The following TMEM140 variants were observed in gnomAD, a reference collection of about 807,000 sequenced individuals.
TMEM140 encodes the protein transmembrane protein 140.
For missense variants in TMEM140, 236 were observed against 228.5 expected (o/e 1.03, Z -0.21); for synonymous variants, 107 against 106.8 (o/e 1.00, Z -0.01).
At position 135,164,506 on chromosome 7, in the gene TMEM140, T is replaced by C. The variant is rs1562927766; in HGVS notation, c.65T>C (p.Ile22Thr). Residue 22 changes from isoleucine to threonine, a missense_variant, in exon 2 of 2, where the codon ATT (isoleucine) becomes ACT (threonine). Ile to Thr is a moderately conservative substitution (Grantham distance 89). Transcript: ENST00000275767. Reference sequence around the variant, plus strand: ...TTCATGAGCATCATAGTCCTCGTGATTGTGGTCATCTGCCTGATGTTTTAC... The same window carrying C: ...TTCATGAGCATCATAGTCCTCGTGACTGTGGTCATCTGCCTGATGTTTTAC... ...LLFMSIIVLV[I>T]VVICLMFYAL... 2 of 1,613,292 alleles carry C rather than the reference T, an allele frequency of 1.2e-6. No individual in the cohort carries two copies. Among genetic ancestry groups the C allele is most frequent in the South Asian group, 1.1e-5 (1 of 91,068 alleles).
In TMEM140 at chr7:135,151,315, C is replaced by A. The variant is rs1252018130; in HGVS notation, c.-25+3045C>A. On this transcript the variant is annotated intron_variant, in intron 1 of 1. Coordinates refer to ENST00000275767, the MANE Select transcript of TMEM140 (RefSeq NM_018295.5). This position sits in a 1 kb window ranked among gnomAD's most constrained non-coding sequence, Gnocchi z 4.3. ...ATTAGAACCTGGACTCATGTTTCTA[C>A]CAAAGGAAATATGACACATTTCCCT... Among the ~76,000 whole-genome samples the A allele has an allele frequency of 2.0e-5, 3 of 152,188 alleles. No homozygotes were observed. Among genetic ancestry groups the A allele is most frequent in the African/African-American group, 7.2e-5 (3 of 41,446 alleles).
At chr7:135,149,315 C>G (rs1463406558) in intron 1 of TMEM140, among the ~76,000 whole-genome samples, 1 of 152,060 alleles carries the variant, frequency 6.6e-6, no homozygotes, top group Non-Finnish European at 1.5e-5. Context: ...CTTCTTTAGT[C>G]TCTTTCTCCT....
intron 1 of TMEM140, among the ~76,000 whole-genome samples, chr7:135,159,277 T>G (rs1293420676): frequency 6.6e-6 from 1 of 152,244 alleles, no homozygotes; most frequent in African/African-American, 2.4e-5. Context: ...TGTGTTTAGA[T>G]AGCCATCTTG....
At chr7:135,156,300 A>G (rs1324344305) in intron 1 of TMEM140, among the ~76,000 whole-genome samples, 2 of 152,288 alleles carry the variant, frequency 1.3e-5, no homozygotes, top group East Asian at 3.9e-4. Context: ...TATGTTTTCT[A>G]AACTTTCTAA....
chr7:135,154,540 T>C, intron 1 of TMEM140, among the ~76,000 whole-genome samples: 1 of 152,194 alleles, frequency 6.6e-6, no homozygotes, highest in East Asian at 1.9e-4. Flanking sequence ...CCTGCAGGAT[T>C]TAGTACAATG....
At chr7:135,156,693 C>A (rs941076542) in intron 1 of TMEM140, among the ~76,000 whole-genome samples, 3 of 152,064 alleles carry the variant, frequency 2.0e-5, no homozygotes, top group Non-Finnish European at 4.4e-5. Flanking sequence ...ATTTTGAATT[C>A]TTTATCTAGC....
intron 1 of TMEM140, among the ~76,000 whole-genome samples, chr7:135,163,669 G>C (rs139863713): frequency 1.3e-5 from 2 of 152,210 alleles, no homozygotes; most frequent in South Asian, 4.1e-4. Flanking sequence ...AAACAAAAAC[G>C]TCTAAGTTTT....
chr7:135,161,169 C>T lies in TMEM140; in HGVS notation c.-24-3249C>T, dbSNP rs986215863. ...ATGCCTGGTCCTGGGCTTCTTGGCTCGTTTTGTTTTGCTCTACATTAAAAG... is the reference window on the plus strand; with the variant it reads ...ATGCCTGGTCCTGGGCTTCTTGGCTTGTTTTGTTTTGCTCTACATTAAAAG... On this transcript the variant is annotated intron_variant, in intron 1 of 1. Coordinates refer to ENST00000275767, the MANE Select transcript of TMEM140 (RefSeq NM_018295.5). This position sits in a 1 kb window ranked among gnomAD's most constrained non-coding sequence, Gnocchi z 4.1. 1.3e-5 allele frequency among the ~76,000 whole-genome samples: 2 copies of T among 152,088 alleles called. No individual in the cohort carries two copies. The highest frequency in any genetic ancestry group is 6.6e-5 in the Admixed American group (1 of 15,266).
intron 1 of TMEM140, among the ~76,000 whole-genome samples, chr7:135,160,941 G>C (rs187268203): frequency 4.7e-4 from 72 of 152,306 alleles, no homozygotes; most frequent in African/African-American, 1.7e-3. Flanking sequence ...TAGGAGCTGG[G>C]GGGTGGCTGA....
chr7:135,155,291 G>C (rs950955297), intron 1 of TMEM140, among the ~76,000 whole-genome samples: 9 of 152,132 alleles, frequency 5.9e-5, no homozygotes, highest in Non-Finnish European at 1.2e-4. Flanking sequence ...CTGCCAATCT[G>C]TATCTTTTAA....
intron 1 of TMEM140, among the ~76,000 whole-genome samples, chr7:135,157,410 C>T (rs778889633): frequency 5.9e-5 from 9 of 152,226 alleles, no homozygotes; most frequent in Non-Finnish European, 8.8e-5. Flanking sequence ...AGAAGTTTAG[C>T]TGGGACTTGG....
Position 135,161,829 on chromosome 7 carries a change from C to T in TMEM140, c.-24-2589C>T, listed in dbSNP as rs1470980578. Among the ~76,000 whole-genome samples the T allele has an allele frequency of 6.6e-6, 1 of 152,212 alleles. No homozygotes were observed. The highest frequency in any genetic ancestry group is 1.5e-5 in the Non-Finnish European group (1 of 68,036). ...AGCCAGGGCTTCTGCTGGGACAGCC[C>T]CTCACTCCTCCACTCTGACTGTCCC... is the stretch of plus-strand genomic sequence containing the variant. On this transcript the variant is annotated intron_variant, in intron 1 of 1. Coordinates refer to ENST00000275767, the MANE Select transcript of TMEM140 (RefSeq NM_018295.5). This position sits in a 1 kb window ranked among gnomAD's most constrained non-coding sequence, Gnocchi z 4.1.
chr7:135,160,488 T>C (rs541269591), intron 1 of TMEM140, among the ~76,000 whole-genome samples: 4 of 152,302 alleles, frequency 2.6e-5, no homozygotes, highest in African/African-American at 9.6e-5. Flanking sequence ...AAGATCCATA[T>C]GCTGTCACTG....
intron 1 of TMEM140, among the ~76,000 whole-genome samples, chr7:135,155,678 T>A (rs1239420336): frequency 6.6e-6 from 1 of 152,140 alleles, no homozygotes; most frequent in African/African-American, 2.4e-5. Flanking sequence ...TAGCAAGATC[T>A]TGTCTCTACA....
At chr7:135,154,189 TTC>T (rs1258754063) in intron 1 of TMEM140, among the ~76,000 whole-genome samples, 4 of 152,188 alleles carry the variant, frequency 2.6e-5, no homozygotes, top group African/African-American at 9.6e-5. Context: ...TCTTTTTCAT[TTC>T]TGATTGTGTT....
chr7:135,164,695 T>G lies in TMEM140; in HGVS notation c.254T>G (p.Leu85Arg), dbSNP rs1397584176. 2 of 1,614,062 alleles carry G rather than the reference T, an allele frequency of 1.2e-6. No individual in the cohort carries two copies. Among genetic ancestry groups the G allele is most frequent in the Non-Finnish European group, 1.7e-6 (2 of 1,180,018 alleles). Residue 85 changes from leucine (L) to arginine (R), a missense_variant, in exon 2 of 2, where the codon CTT becomes CGT. By Grantham distance (102) the Leu-to-Arg change is moderately radical. Coordinates refer to ENST00000275767, the MANE Select transcript of TMEM140 (RefSeq NM_018295.5). ...VPRVGLGLAR[L>R]GVYGSLVLTL... ...CGGGTTGGCCTGGGCCTGGCCAGGCTTGGCGTGTACGGGTCCCTGGTCCTC... is the reference window on the plus strand; with the variant it reads ...CGGGTTGGCCTGGGCCTGGCCAGGCGTGGCGTGTACGGGTCCCTGGTCCTC...
intron 1 of TMEM140, among the ~76,000 whole-genome samples, chr7:135,157,238 A>AG (rs1322182202): frequency 2.0e-5 from 3 of 152,178 alleles, no homozygotes; most frequent in African/African-American, 4.8e-5. Flanking sequence ...ATAAGGGAGA[A>AG]TTTTTTCCTG....
intron 1 of TMEM140, among the ~76,000 whole-genome samples, chr7:135,158,283 G>C (rs1160568931): frequency 1.3e-5 from 2 of 152,238 alleles, no homozygotes; most frequent in East Asian, 3.8e-4. Context: ...TATTGACCTA[G>C]ATGTGCATAG....
At chr7:135,159,408 G>A (rs966626463) in intron 1 of TMEM140, among the ~76,000 whole-genome samples, 5 of 152,188 alleles carry the variant, frequency 3.3e-5, no homozygotes, top group African/African-American at 1.2e-4. Context: ...GTATGAAAAT[G>A]TTAGAGGTGC....
Sources: allele counts gnomAD v4.1 joint callset (sites outside exome capture counted in the v4.1 genomes callset), GRCh38; gene constraint gnomAD v4.1.1; non-coding constraint Gnocchi (gnomAD v3.1); transcripts MANE v1.5; gene names NCBI Gene and HGNC (gene_info 2026-07-23, HGNC 2026-07-21).